The following TMEM232 variants were observed in gnomAD, a reference collection of about 807,000 sequenced individuals.
TMEM232 encodes the protein transmembrane protein 232.
TMEM232 carries 80 observed loss-of-function variants against 78.8 expected under a neutral mutation model. The ratio of observed to expected loss-of-function variants is 1.01; its 90% CI spans 0.85 to 1.22. The LOEUF (loss-of-function observed/expected upper bound fraction) is 1.22, where lower values mean the gene tolerates loss of function less well. Among genes scored for constraint, TMEM232 ranks in the 50% most tolerant of loss-of-function variants. The pLI, the probability that TMEM232 is intolerant of heterozygous loss-of-function variation, is 0.00. For missense variants in TMEM232, 881 were observed against 742.2 expected (o/e 1.19, Z -2.17); for synonymous variants, 297 against 254.3 (o/e 1.17, Z -1.60).
chr5:110,505,057 T>C (rs1766711749), intron 12 of TMEM232, among the ~76,000 whole-genome samples: 1 of 152,226 alleles, frequency 6.6e-6, no homozygotes, highest in Non-Finnish European at 1.5e-5. Flanking sequence ...AGAGTGTTGC[T>C]ACATCTCTTT....
intron 5 of TMEM232, among the ~76,000 whole-genome samples, chr5:110,629,235 A>G (rs1274720412): frequency 6.6e-6 from 1 of 152,120 alleles, no homozygotes; most frequent in Non-Finnish European, 1.5e-5. Flanking sequence ...AGAGATAAAT[A>G]CTGAAAAAAA....
At position 110,528,674 on chromosome 5, in the gene TMEM232, C is replaced by A; in HGVS notation, c.1617G>T (p.Lys539Asn). The change falls in exon 12 of 14, where the codon AAG becomes AAT. Residue 539 changes from lysine to asparagine, a missense_variant. Lys to Asn is a moderately conservative substitution (Grantham distance 94). Coordinates refer to ENST00000455884, the MANE Select transcript of TMEM232 (RefSeq NM_001039763.4). ...PPIEAHFLPL[K>N]KPSIKKDQTK... ...TTTGATCCTTTTTTATTGATGGTTT[C>A]TTCAAAGGAAGAAAATGGGCCTCAA... is the stretch of plus-strand genomic sequence containing the variant. 1 of 1,534,868 alleles carries A rather than the reference C, an allele frequency of 6.5e-7. No homozygotes were observed. The highest frequency in any genetic ancestry group is 8.7e-7 in the Non-Finnish European group (1 of 1,146,330).
chr5:110,645,006 T>C (rs144718592), intron 2 of TMEM232, among the ~76,000 whole-genome samples: 1,517 of 151,478 alleles, frequency 0.01, 33 homozygotes, highest in African/African-American at 0.034. Flanking sequence ...TTCCTAGAAA[T>C]TTACAAGCTA....
At chr5:110,450,728 C>T (rs986581294) in intron 12 of TMEM232, among the ~76,000 whole-genome samples, 1 of 152,180 alleles carries the variant, frequency 6.6e-6, no homozygotes, top group Non-Finnish European at 1.5e-5. Flanking sequence ...ACCCCCACTC[C>T]ACAGTTAGAT....
At chr5:110,618,188 TA>T (rs75633693) in intron 8 of TMEM232, among the ~76,000 whole-genome samples, 9,633 of 147,762 alleles carry the variant, frequency 0.065, 608 homozygotes, top group East Asian at 0.24. Context: ...CTGCATTTAA[TA>T]AAAAAAAAAC....
intron 12 of TMEM232, among the ~76,000 whole-genome samples, chr5:110,514,257 G>A (rs1012806727): frequency 5.3e-5 from 8 of 151,810 alleles, no homozygotes; most frequent in Admixed American, 5.3e-4. Flanking sequence ...AAGCAGGAAG[G>A]GAAACATAAA....
At chr5:110,462,615 G>A (rs1761655753) in intron 12 of TMEM232, among the ~76,000 whole-genome samples, 1 of 152,160 alleles carries the variant, frequency 6.6e-6, no homozygotes, top group Admixed American at 6.5e-5. Flanking sequence ...TGCACTGCTG[G>A]CTTCCCTACT....
intron 2 of TMEM232, among the ~76,000 whole-genome samples, chr5:110,644,007 C>A (rs140968796): frequency 6.6e-6 from 1 of 151,922 alleles, no homozygotes; most frequent in African/African-American, 2.4e-5. Flanking sequence ...TTCTATATAT[C>A]AGGCACTAAG....
chr5:110,605,643 G>A (rs4254947), intron 9 of TMEM232, among the ~76,000 whole-genome samples: 2,434 of 152,090 alleles, frequency 0.016, 28 homozygotes, highest in Middle Eastern at 0.061. Context: ...ATATTCAAAA[G>A]GAACCTTTTG....
At chr5:110,647,864 C>A (rs1389847384) in intron 2 of TMEM232, among the ~76,000 whole-genome samples, 1 of 151,872 alleles carries the variant, frequency 6.6e-6, no homozygotes, top group Admixed American at 6.6e-5. Flanking sequence ...TTTATCAGCC[C>A]CCACACTATA....
intron 2 of TMEM232, among the ~76,000 whole-genome samples, chr5:110,651,091 A>G (rs143188973): frequency 0.012 from 1,783 of 152,302 alleles, 46 homozygotes; most frequent in African/African-American, 0.04. Flanking sequence ...AATATCTGCT[A>G]TGAGTCAAGC....
downstream of TMEM232, among the ~76,000 whole-genome samples, chr5:110,414,679 A>T (rs1034905236): frequency 1.3e-5 from 2 of 152,156 alleles, no homozygotes; most frequent in African/African-American, 4.8e-5. Context: ...TTTAAATATT[A>T]ATTTGCTTTC....
chr5:110,422,333 G>A (rs1322824439), intron 13 of TMEM232, among the ~76,000 whole-genome samples: 1 of 151,622 alleles, frequency 6.6e-6, no homozygotes, highest in Non-Finnish European at 1.5e-5. Flanking sequence ...GGCTAACACG[G>A]TGAAACGCCG....
At chr5:110,539,243 G>A (rs1303305508) in intron 11 of TMEM232, among the ~76,000 whole-genome samples, 3 of 152,078 alleles carry the variant, frequency 2.0e-5, no homozygotes. Context: ...TAATTAAGCT[G>A]GAAGCAAGAA....
chr5:110,429,872 T>C (rs928161368), intron 12 of TMEM232: 19 of 151,936 alleles, frequency 1.3e-4, no homozygotes, highest in African/African-American at 2.9e-4. Context: ...ATTGTGTACA[T>C]TGTTTGGAAC....
chr5:110,714,012 C>T (rs1796766524), intron 1 of TMEM232, among the ~76,000 whole-genome samples: 1 of 152,194 alleles, frequency 6.6e-6, no homozygotes, highest in South Asian at 2.1e-4. Flanking sequence ...TTTTCAGGAA[C>T]TATTCCTTGA....
chr5:110,679,119 G>A (rs1792391132), intron 1 of TMEM232, among the ~76,000 whole-genome samples: 1 of 152,118 alleles, frequency 6.6e-6, no homozygotes, highest in Non-Finnish European at 1.5e-5. Context: ...CTTCCAAAGT[G>A]GCCATACCAT....
intron 13 of TMEM232, among the ~76,000 whole-genome samples, chr5:110,421,365 A>G (rs1756622588): frequency 6.6e-6 from 1 of 151,876 alleles, no homozygotes; most frequent in African/African-American, 2.4e-5. Flanking sequence ...CAAGAGCCAT[A>G]AGAATGAGTA....
intron 12 of TMEM232, among the ~76,000 whole-genome samples, chr5:110,435,599 G>A (rs1758343163): frequency 6.6e-6 from 1 of 151,364 alleles, no homozygotes; most frequent in Non-Finnish European, 1.5e-5. Context: ...CTCCCCTCCC[G>A]ACTTCCCCTC....
Sources: allele counts gnomAD v4.1 joint callset (sites outside exome capture counted in the v4.1 genomes callset), GRCh38; gene constraint gnomAD v4.1.1; transcripts MANE v1.5; gene names NCBI Gene and HGNC (gene_info 2026-07-23, HGNC 2026-07-21).